ADCY5: variants seen among roughly 807,000 people sequenced by gnomAD.
ADCY5 encodes adenylate cyclase type 5.
In ADCY5, 30 loss-of-function variants were observed where a neutral mutation model predicts 119.7. The observed-to-expected ratio is 0.25, with a 90% CI of 0.19 to 0.34. The LOEUF (loss-of-function observed/expected upper bound fraction) is 0.34. Among genes scored for constraint, ADCY5 ranks in the 10% least tolerant of loss-of-function variants. ADCY5 has a pLI of 1.00. For synonymous variants in ADCY5, 753 were observed against 762.2 expected (o/e 0.99, Z 0.20); for missense variants, 1,324 against 1,775.2 (o/e 0.75, Z 4.57).
chr3:123,337,400 T>G (rs909850120), intron 3 of ADCY5, among the ~76,000 whole-genome samples: 3 of 152,194 alleles, frequency 2.0e-5, no homozygotes, highest in Non-Finnish European at 4.4e-5. Flanking sequence ...CAGGCTGCTG[T>G]AACAAAGCAC....
intron 1 of ADCY5, among the ~76,000 whole-genome samples, chr3:123,431,112 G>A (rs931880059): frequency 6.6e-6 from 1 of 152,154 alleles, no homozygotes; most frequent in African/African-American, 2.4e-5. Flanking sequence ...ACTAGTGCCG[G>A]ACTAACACTG....
chr3:123,375,434 C>A (rs1364436623), intron 1 of ADCY5, among the ~76,000 whole-genome samples: 2 of 152,252 alleles, frequency 1.3e-5, no homozygotes, highest in African/African-American at 4.8e-5. Context: ...CTCTGGGACC[C>A]AGTGGTCCTC....
In ADCY5 at chr3:123,427,587, A is replaced by T. The variant is rs1319095282; in HGVS notation, c.1134+19825T>A. Among the ~76,000 whole-genome samples the T allele has an allele frequency of 2.0e-5, 3 of 151,934 alleles. No individual in the cohort carries two copies. In the South Asian group the frequency reaches 6.2e-4, roughly 32 times the overall value. ...CATCTTTTTTGGGAAGTCTCCTAGG[A>T]CCCTCCACTGGACTTGGGAGGTGGT... On this transcript the variant is annotated intron_variant, in intron 1 of 20. Transcript: ENST00000462833.
At chr3:123,315,701 G>A (rs578065215) in intron 11 of ADCY5, among the ~76,000 whole-genome samples, 4 of 152,188 alleles carry the variant, frequency 2.6e-5, no homozygotes, top group South Asian at 2.1e-4. Flanking sequence ...TCAGCTTCCC[G>A]AGTAGCTGGC....
At chr3:123,342,552 G>A (rs1942342801) in intron 3 of ADCY5, among the ~76,000 whole-genome samples, 1 of 152,158 alleles carries the variant, frequency 6.6e-6, no homozygotes, top group South Asian at 2.1e-4. Flanking sequence ...CCAAGTTGGT[G>A]AACCAAGATC....
At position 123,313,598 on chromosome 3, in the gene ADCY5, C is replaced by G. The variant is rs28460207; in HGVS notation, c.2442+637G>C. Among the ~76,000 whole-genome samples, 421 of 152,262 alleles carry G rather than the reference C, an allele frequency of 2.8e-3. 6 individuals are homozygous for G. The highest frequency in any genetic ancestry group is 8.9e-3 in the African/African-American group (370 of 41,548). On this transcript the variant is annotated intron_variant, in intron 12 of 20. Coordinates refer to ENST00000462833, the MANE Select transcript of ADCY5 (RefSeq NM_183357.3). ...AAACAGGAACATAAGTGGTTTCTACCACAGACCAGAGTGACCCAGAGCCAG... is the reference window on the plus strand; with the variant it reads ...AAACAGGAACATAAGTGGTTTCTACGACAGACCAGAGTGACCCAGAGCCAG...
chr3:123,364,293 C>T (rs1943356069), intron 1 of ADCY5, among the ~76,000 whole-genome samples: 2 of 152,104 alleles, frequency 1.3e-5, no homozygotes, highest in Non-Finnish European at 2.9e-5. Context: ...ATCTTCTCTT[C>T]TGACAGAAGA....
chr3:123,357,548 C>A (rs887748858), intron 1 of ADCY5, among the ~76,000 whole-genome samples: 1 of 152,146 alleles, frequency 6.6e-6, no homozygotes, highest in Non-Finnish European at 1.5e-5. Context: ...CTTTGCTAAG[C>A]TTAGGGTGCC....
At position 123,299,996 on chromosome 3, in the gene ADCY5, T is replaced by G. The variant is rs182371168; in HGVS notation, c.2900+124A>C. ...AAGGCCGTTTTCCAGATGTCAGGGC[T>G]GGGGAGGAACAAGATACTCTCCTCG... On this transcript the variant is annotated intron_variant, in intron 15 of 20. Transcript: ENST00000462833. 493 of 1,074,990 alleles carry G rather than the reference T, an allele frequency of 4.6e-4. 2 individuals are homozygous for G. In the African/African-American group the frequency reaches 6.7e-3, roughly 15 times the overall value. 66.6% of individuals were successfully genotyped at this position (1,074,990 alleles called of 1,614,324 possible).
chr3:123,312,767 A>G (rs1940653951), intron 12 of ADCY5, among the ~76,000 whole-genome samples: 1 of 152,242 alleles, frequency 6.6e-6, no homozygotes, highest in South Asian at 2.1e-4. Flanking sequence ...TTCCACTGCA[A>G]TTTACAGCAC....
At position 123,300,124 on chromosome 3, in the gene ADCY5, C is replaced by A; in HGVS notation, c.2896G>T (p.Ala966Ser). ...DNADLLVTAN[A>S]IDFFNNGTSQ... ...CGTGAGGGAGGTGCCCCATACATGG[C>A]GTTGGCGGTGACCAGCAGGTCGGCG... Residue 966 changes from alanine to serine, a missense_variant, in exon 15 of 21, where the codon GCC (alanine) becomes TCC (serine). By Grantham distance (99) the Ala-to-Ser change is moderately conservative (BLOSUM62 1). This residue lies in a region of ADCY5 where 424 missense variants were observed against 546.8 expected (regional missense o/e 0.78). Coordinates refer to ENST00000462833, the MANE Select transcript of ADCY5 (RefSeq NM_183357.3). 1.2e-6 allele frequency: 2 copies of A among 1,613,750 alleles called. No individual in the cohort carries two copies. Among genetic ancestry groups the A allele is most frequent in the Non-Finnish European group, 1.7e-6 (2 of 1,179,988 alleles).
rs554149046 is a variant in ADCY5, at chr3:123,284,413, G to A, written c.*195C>T. ...TTGGTCAGCTGGGTGCTCGCAGGAC[G>A]CTGGCACCCCGGGGCCTGGGACAGA... On this transcript the variant is annotated 3_prime_UTR_variant, in exon 21 of 21. Coordinates refer to ENST00000462833, the MANE Select transcript of ADCY5 (RefSeq NM_183357.3). 31 of 780,464 alleles carry A rather than the reference G, an allele frequency of 4.0e-5. No homozygotes were observed. Among genetic ancestry groups the A allele is most frequent in the South Asian group, 1.9e-4 (10 of 53,876 alleles). The allele number at this position is 780,464 out of a possible 1,614,324, so 48.3% of individuals were successfully genotyped here.
At chr3:123,284,839 T>TCTCCTTCTGTGTCAGGGGCG in intron 20 of ADCY5, 103 bp from the exon 21 acceptor site, 1 of 1,497,690 alleles carries the variant, frequency 6.7e-7, no homozygotes, top group Non-Finnish European at 9.2e-7. Flanking sequence ...TTGCCGCCCC[T>TCTCCTTCTGTGTCAGGGGCG]GACACAGAAG....
rs757636338 is a variant in ADCY5, at chr3:123,319,692, C to A, written c.2238G>T (p.Glu746Asp). The change falls in exon 10 of 21, where the codon GAG (glutamate) becomes GAT (aspartate). Residue 746 changes from glutamate to aspartate, a missense_variant. Glu to Asp is a conservative substitution (Grantham distance 45). Transcript: ENST00000462833. Reference protein sequence around the residue: ...HVRKFLLTFREPDLEKKYSKQ... With the variant: ...HVRKFLLTFRDPDLEKKYSKQ... The stretch of plus-strand genomic sequence containing the variant: ...GCTGTACCTTCTTCTCTAAGTCAGG[C>A]TCCCTGAAGGTCAGGAGGAACTTGC... 3.7e-5 allele frequency: 60 copies of A among 1,614,094 alleles called. No individual in the cohort carries two copies. The highest frequency in any genetic ancestry group is 5.1e-6 in the Non-Finnish European group (6 of 1,180,038).
chr3:123,318,179 G>A, intron 10 of ADCY5, 62 bp from the exon 11 acceptor site: 3 of 1,361,338 alleles, frequency 2.2e-6, no homozygotes, highest in Admixed American at 1.8e-5. Flanking sequence ...CTCCAGCCCT[G>A]TCAATCCCAC....
rs139755639 is a variant in ADCY5, at chr3:123,408,891, T to C, written c.1134+38521A>G. Among the ~76,000 whole-genome samples, 997 of 129,758 alleles carry C rather than the reference T, an allele frequency of 7.7e-3. 7 individuals are homozygous for C. Among genetic ancestry groups the C allele is most frequent in the African/African-American group, 0.027 (917 of 34,308 alleles). The allele number at this position is 129,758 out of a possible 152,430, so 85.1% of individuals were successfully genotyped here. A position where few individuals can be genotyped will look rare whatever the true frequency, so the allele number is the denominator to read the frequency against. On this transcript the variant is annotated intron_variant, in intron 1 of 20. Transcript: ENST00000462833. ...TAGGGAGGCTGAGACAGGAGAATCG[T>C]TTGAACCCAGGAGGCAGAGGTTGCA...
chr3:123,331,835 G>A (rs982169457), intron 4 of ADCY5, among the ~76,000 whole-genome samples: 1 of 152,140 alleles, frequency 6.6e-6, no homozygotes, highest in Admixed American at 6.5e-5. Context: ...AAGTATATGC[G>A]CTCCACCATG....
At chr3:123,441,318 G>A (rs1325642472) in intron 1 of ADCY5, among the ~76,000 whole-genome samples, 5 of 152,206 alleles carry the variant, frequency 3.3e-5, no homozygotes, top group African/African-American at 9.7e-5. Context: ...ATAAGCCAAA[G>A]TTAAGAATCA....
At chr3:123,298,408 T>C (rs1450613769) in intron 15 of ADCY5, among the ~76,000 whole-genome samples, 1 of 152,112 alleles carries the variant, frequency 6.6e-6, no homozygotes, top group Admixed American at 6.6e-5. Context: ...GAAGGAGCAG[T>C]AAGAGGAGGG....
Sources: gnomAD v4.1 joint callset for allele counts (sites outside exome capture counted in the v4.1 genomes callset) on GRCh38, gnomAD v4.1.1 for gene constraint, gnomAD v4.1.1 regional missense constraint, MANE v1.5 for transcripts, NCBI Gene and HGNC (gene_info 2026-07-23, HGNC 2026-07-21) for gene names.